The following PTPRF variants were observed in gnomAD, a reference collection of about 807,000 sequenced individuals.
PTPRF encodes the protein protein tyrosine phosphatase receptor type F.
A neutral mutation model predicts 201.8 loss-of-function variants in PTPRF; 59 were observed. The ratio of observed to expected loss-of-function variants is 0.29; its 90% CI spans 0.24 to 0.36. PTPRF has a LOEUF of 0.36. Among genes scored for constraint, PTPRF ranks in the 10% least tolerant of loss-of-function variants. The pLI is 1.00. For synonymous variants in PTPRF, 1,088 were observed against 1,089.7 expected (o/e 1.00, Z 0.03); for missense variants, 2,132 against 2,690.5 (o/e 0.79, Z 4.59).
chr1:43,612,831 A>T (rs1230072473), intron 22 of PTPRF: 15 of 1,354,106 alleles, frequency 1.1e-5, no homozygotes, highest in Middle Eastern at 2.1e-4. Context: ...TGTTTGGGGG[A>T]TACTTTGGCT....
At chr1:43,579,902 G>A (rs2015628) in intron 7 of PTPRF, 16,555 of 152,042 alleles carry the variant, frequency 0.11, 1,093 homozygotes, top group African/African-American at 0.18. Context: ...GTGAAACCCC[G>A]TCTCTACTAA....
chr1:43,582,691 AG>A (rs1648028930), intron 7 of PTPRF: 1 of 152,196 alleles, frequency 6.6e-6, no homozygotes, highest in East Asian at 1.9e-4. Context: ...GTACCTTGGC[AG>A]GTTTGTGGGC....
chr1:43,585,214 A>T (rs1015771355), intron 7 of PTPRF, among the ~76,000 whole-genome samples: 10 of 152,112 alleles, frequency 6.6e-5, no homozygotes, highest in Non-Finnish European at 1.5e-4. Context: ...TGCCTGCAGC[A>T]GTGGGTGGAG....
At chr1:43,597,725 T>TA in intron 11 of PTPRF, 23 bp from the exon 12 acceptor site, 3 of 1,376,530 alleles carry the variant, frequency 2.2e-6, no homozygotes, top group Non-Finnish European at 3.0e-6. Flanking sequence ...TCTGCTTGCT[T>TA]CCCCCCCATT....
chr1:43,574,634 T>C (rs187542623), intron 6 of PTPRF, among the ~76,000 whole-genome samples: 2 of 152,204 alleles, frequency 1.3e-5, no homozygotes, highest in African/African-American at 2.4e-5. Context: ...GCAAATAATT[T>C]CTTAGTATTA....
Position 43,553,782 on chromosome 1 carries a change from ATGTC to A in PTPRF, c.238-13_238-10del. ...TGTGTCCTGAGTAGGCTGTGACCCC[ATGTC>A]TGTCCTCTGACAGGTCATTGAGTTT... On this transcript the variant is annotated splice_polypyrimidine_tract_variant and intron_variant, in intron 4 of 33. Transcript: ENST00000359947. The surrounding 1 kb of genome is among the most constrained non-coding windows in gnomAD (Gnocchi z 4.1). 1 of 1,614,040 alleles carries A rather than the reference ATGTC, an allele frequency of 6.2e-7. No individual in the cohort carries two copies. The highest frequency in any genetic ancestry group is 8.5e-7 in the Non-Finnish European group (1 of 1,179,992).
At chr1:43,607,064 C>A in intron 21 of PTPRF, 96 bp downstream of exon 21, 1 of 1,481,748 alleles carries the variant, frequency 6.7e-7, no homozygotes, top group Non-Finnish European at 9.2e-7. Flanking sequence ...TGCAGCCTTG[C>A]ATCCTGGACC....
intron 1 of PTPRF, among the ~76,000 whole-genome samples, chr1:43,535,724 G>A (rs1643958504): frequency 6.6e-6 from 1 of 152,170 alleles, no homozygotes; most frequent in Non-Finnish European, 1.5e-5. Context: ...ACATGACTGT[G>A]GACTTCACCC....
At chr1:43,621,460 A>C (rs1025592944) in intron 33 of PTPRF, among the ~76,000 whole-genome samples, 51 of 152,230 alleles carry the variant, frequency 3.4e-4, no homozygotes, top group African/African-American at 1.2e-3. Context: ...GTGAGCTATG[A>C]TTATACCACG....
chr1:43,588,794 G>T lies in PTPRF; in HGVS notation c.743G>T (p.Ser248Ile), dbSNP rs1459942101. 2 of 1,614,072 alleles carry T rather than the reference G, an allele frequency of 1.2e-6. No homozygotes were observed. Among genetic ancestry groups the T allele is most frequent in the Non-Finnish European group, 1.7e-6 (2 of 1,180,038 alleles). Residue 248 changes from serine (S) to isoleucine (I), a missense_variant, in exon 8 of 34, where the codon AGC (serine) becomes ATC (isoleucine). Ser to Ile is a moderately radical substitution (Grantham distance 142, BLOSUM62 -2). Transcript: ENST00000359947. This position sits in a 1 kb window ranked among gnomAD's most constrained non-coding sequence, Gnocchi z 5.3. ...PSSQEVMPGG[S>I]VNLTCVAVGA... is the part of the protein sequence containing the mutation. The stretch of plus-strand genomic sequence containing the variant: ...AGCCAGGAGGTGATGCCAGGCGGCA[G>T]CGTGAACCTGACATGCGTGGCAGTG...
At chr1:43,529,652 A>G (rs1229234120), upstream of PTPRF, among the ~76,000 whole-genome samples, 1 of 151,924 alleles carries the variant, frequency 6.6e-6, no homozygotes, top group Non-Finnish European at 1.5e-5. Context: ...GGTGGGGTAG[A>G]TAGGAAAGAG....
intron 7 of PTPRF, among the ~76,000 whole-genome samples, chr1:43,582,858 C>T (rs1648082139): frequency 6.6e-6 from 1 of 152,234 alleles, no homozygotes; most frequent in Non-Finnish European, 1.5e-5. Flanking sequence ...CCCTGTCCAC[C>T]ATGTCCTCCA....
rs1659315699 is a variant in PTPRF, at chr1:43,621,929, T to C, written c.5656-6T>C. 6.2e-7 allele frequency: 1 copy of C among 1,614,100 alleles called. No individual in the cohort carries two copies. The highest frequency in any genetic ancestry group is 1.7e-5 in the Admixed American group (1 of 60,028). Reference sequence around the variant, plus strand: ...ACCCACACTGACCAGCCCCCTATCCTGGCAGGACCAGTATCAGCTGTGCTA... The same window carrying C: ...ACCCACACTGACCAGCCCCCTATCCCGGCAGGACCAGTATCAGCTGTGCTA... On this transcript the variant is annotated splice_polypyrimidine_tract_variant and splice_region_variant and intron_variant, in intron 33 of 33. Coordinates refer to ENST00000359947, the MANE Select transcript of PTPRF (RefSeq NM_002840.5).
rs748945094 is a variant in PTPRF, at chr1:43,606,951, C to T, written c.3840C>T (p.Ala1280=). The T allele has an allele frequency of 6.2e-7, 1 of 1,614,030 alleles. No homozygotes were observed. The highest frequency in any genetic ancestry group is 8.5e-7 in the Non-Finnish European group (1 of 1,180,034). ...AVILIILIVI[A]ILLFKRKRTH... ...TCCTCATCATCCTCATTGTCATCGC[C>T]ATCCTCTTGTTCAAAAGGTGAGCAC... Residue 1280 remains alanine (A), a synonymous_variant, in exon 21 of 34, where the codon GCC becomes GCT. Coordinates refer to ENST00000359947, the MANE Select transcript of PTPRF (RefSeq NM_002840.5).
chr1:43,562,878 AC>A (rs1645900784), intron 5 of PTPRF, among the ~76,000 whole-genome samples: 1 of 152,032 alleles, frequency 6.6e-6, no homozygotes, highest in South Asian at 2.1e-4. Flanking sequence ...GGAGCAGATC[AC>A]TAGAAGGTTA....
intron 13 of PTPRF, among the ~76,000 whole-genome samples, chr1:43,600,243 C>T (rs530850505): frequency 6.6e-6 from 1 of 152,122 alleles, no homozygotes; most frequent in Non-Finnish European, 1.5e-5. Context: ...AATGGGTTCC[C>T]CTAGCCCCTC....
chr1:43,601,306 A>C (rs549536234), intron 13 of PTPRF, among the ~76,000 whole-genome samples: 1 of 152,338 alleles, frequency 6.6e-6, no homozygotes, highest in Non-Finnish European at 1.5e-5. Context: ...ATCTACATGC[A>C]CCAAAGGCCC....
rs1659365532 is a variant in PTPRF, at chr1:43,622,163, CAA to C, written c.*161_*162del. ...CAGCGTTTCAGGAACGTTGCCACAC[CAA>C]TCAGAGAGCCTAGAACATCCCTGGG... On this transcript the variant is annotated 3_prime_UTR_variant, in exon 34 of 34. Coordinates refer to ENST00000359947, the MANE Select transcript of PTPRF (RefSeq NM_002840.5). 4 of 738,428 alleles carry C rather than the reference CAA, an allele frequency of 5.4e-6. No homozygotes were observed. In the South Asian group the frequency reaches 6.9e-5, roughly 13 times the overall value. 45.7% of individuals were successfully genotyped at this position (738,428 alleles called of 1,614,324 possible).
At chr1:43,539,690 ATGTGTCCCT>A (rs1644244346) in intron 2 of PTPRF, among the ~76,000 whole-genome samples, 2 of 152,038 alleles carry the variant, frequency 1.3e-5, no homozygotes, top group Admixed American at 1.3e-4. Flanking sequence ...TAGGGACACT[ATGTGTCCCT>A]TTGCCTCTCC....
Sources: allele counts gnomAD v4.1 joint callset (sites outside exome capture counted in the v4.1 genomes callset), GRCh38; gene constraint gnomAD v4.1.1; non-coding constraint Gnocchi (gnomAD v3.1); transcripts MANE v1.5; gene names NCBI Gene and HGNC (gene_info 2026-07-23, HGNC 2026-07-21).